PHACTR3: variants seen among roughly 807,000 people sequenced by gnomAD.
PHACTR3 encodes phosphatase and actin regulator 3.
Under a neutral mutation model 66.8 loss-of-function variants are expected in PHACTR3, and 16 were observed. The observed-to-expected ratio is 0.24, with a 90% CI of 0.16 to 0.36. The LOEUF (loss-of-function observed/expected upper bound fraction) is 0.36. PHACTR3 is among the 10% of genes least tolerant of loss of function. The pLI, the probability that PHACTR3 is intolerant of heterozygous loss-of-function variation, is 1.00. For synonymous variants in PHACTR3, 323 were observed against 292.1 expected, an observed-to-expected ratio of 1.11 and a Z score of -1.08; for missense variants, 647 against 719.9, an observed-to-expected ratio of 0.90 and a Z score of 1.16.
At chr20:59,669,426 G>C (rs1453274126) in intron 1 of PHACTR3, among the ~76,000 whole-genome samples, 1 of 152,218 alleles carries the variant, frequency 6.6e-6, no homozygotes, top group African/African-American at 2.4e-5. Flanking sequence ...CCATGGCCAA[G>C]CTGCCTTGAA....
chr20:59,646,657 G>A (rs2035290215), intron 1 of PHACTR3, among the ~76,000 whole-genome samples: 1 of 152,138 alleles, frequency 6.6e-6, no homozygotes. Context: ...TTCAGGCCCT[G>A]CAACTACCAG....
intron 1 of PHACTR3, among the ~76,000 whole-genome samples, chr20:59,605,607 C>T (rs1219389234): frequency 4.6e-5 from 7 of 152,216 alleles, no homozygotes; most frequent in Non-Finnish European, 7.3e-5. Context: ...GCGCCTGACT[C>T]CAGCGGGGCC....
intron 1 of PHACTR3, among the ~76,000 whole-genome samples, chr20:59,684,715 C>G (rs570548322): frequency 6.6e-6 from 1 of 152,338 alleles, no homozygotes; most frequent in South Asian, 2.1e-4. Context: ...CTTCCCTGGG[C>G]TGGGAGCCCC....
chr20:59,627,479 G>A (rs1184835599), intron 1 of PHACTR3, among the ~76,000 whole-genome samples: 2 of 152,218 alleles, frequency 1.3e-5, no homozygotes, highest in African/African-American at 2.4e-5. Context: ...GGATGGAGAG[G>A]TTCTGGCGGC....
At chr20:59,751,488 A>G (rs1601262595) in intron 3 of PHACTR3, among the ~76,000 whole-genome samples, 2 of 152,214 alleles carry the variant, frequency 1.3e-5, no homozygotes, top group Middle Eastern at 6.8e-3. Flanking sequence ...ACACATGTAC[A>G]TACACATTGG....
At chr20:59,681,751 C>T (rs1207138685) in intron 1 of PHACTR3, among the ~76,000 whole-genome samples, 1 of 152,254 alleles carries the variant, frequency 6.6e-6, no homozygotes, top group Non-Finnish European at 1.5e-5. Flanking sequence ...CGGCTCACCC[C>T]TGTAATCTCA....
At chr20:59,758,544 GTCA>G (rs1232873280) in intron 4 of PHACTR3, among the ~76,000 whole-genome samples, 12 of 152,206 alleles carry the variant, frequency 7.9e-5, no homozygotes, top group Admixed American at 5.9e-4. Flanking sequence ...AGTGACATTT[GTCA>G]TCATGCTGGG....
intron 7 of PHACTR3, among the ~76,000 whole-genome samples, chr20:59,780,852 CAAGA>C (rs1284922171): frequency 9.2e-5 from 14 of 152,184 alleles, no homozygotes. Flanking sequence ...ATGGGGGTGA[CAAGA>C]AAGTTCTTAT....
At chr20:59,622,930 G>A (rs1246629343) in intron 1 of PHACTR3, among the ~76,000 whole-genome samples, 4 of 126,832 alleles carry the variant, frequency 3.2e-5, no homozygotes, top group South Asian at 5.4e-4. Context: ...ATTGTGAAAT[G>A]TATTTCAAGG....
intron 3 of PHACTR3, among the ~76,000 whole-genome samples, chr20:59,752,406 C>T (rs541282268): frequency 3.3e-5 from 5 of 152,328 alleles, no homozygotes; most frequent in East Asian, 3.9e-4. Context: ...GGCCTTCCAG[C>T]GAGAGGAGCA....
At chr20:59,638,711 T>TG (rs1361376307) in intron 1 of PHACTR3, among the ~76,000 whole-genome samples, 1 of 127,486 alleles carries the variant, frequency 7.8e-6, no homozygotes, top group African/African-American at 3.0e-5. Flanking sequence ...GAGGGATGGG[T>TG]GGGTGGATGG....
intron 9 of PHACTR3, among the ~76,000 whole-genome samples, chr20:59,837,154 C>T (rs1288677142): frequency 6.6e-6 from 1 of 152,146 alleles, no homozygotes; most frequent in African/African-American, 2.4e-5. Flanking sequence ...ATTAAATATT[C>T]CATAAAGTCA....
At chr20:59,805,444 G>A (rs999684663) in intron 7 of PHACTR3, among the ~76,000 whole-genome samples, 12 of 152,210 alleles carry the variant, frequency 7.9e-5, no homozygotes, top group African/African-American at 2.9e-4. Context: ...GATATCAGTT[G>A]GTTGGGGGGA....
chr20:59,764,383 C>T lies in PHACTR3; in HGVS notation c.542-2803C>T, dbSNP rs975520089. ...GCAGACCCTTGGAGCCTGGTTCAGA[C>T]GCTGGCCACATTGTCCTGGAGGAGA... is the stretch of plus-strand genomic sequence containing the variant. On this transcript the variant is annotated intron_variant, in intron 4 of 12. Coordinates refer to ENST00000371015, the MANE Select transcript of PHACTR3 (RefSeq NM_080672.5). 7.9e-5 allele frequency among the ~76,000 whole-genome samples: 12 copies of T among 152,264 alleles called. 1 individual carries two copies. Among genetic ancestry groups the T allele is most frequent in the South Asian group, 2.1e-4 (1 of 4,824 alleles).
intron 1 of PHACTR3, among the ~76,000 whole-genome samples, chr20:59,679,789 G>A (rs6027038): frequency 0.28 from 42,054 of 151,962 alleles, 6,029 homozygotes; most frequent in East Asian, 0.41. Context: ...TTATAAAACC[G>A]TCAGATCTCA....
At chr20:59,701,859 C>T (rs1365816658) in intron 1 of PHACTR3, among the ~76,000 whole-genome samples, 1 of 152,224 alleles carries the variant, frequency 6.6e-6, no homozygotes, top group Non-Finnish European at 1.5e-5. Flanking sequence ...CCCCCCAATC[C>T]CCTGTCCTCT....
chr20:59,742,780 G>A (rs923269650), intron 1 of PHACTR3, among the ~76,000 whole-genome samples: 1 of 152,188 alleles, frequency 6.6e-6, no homozygotes, highest in Non-Finnish European at 1.5e-5. Flanking sequence ...TGGGTGGAGG[G>A]CAGAGCACGA....
intron 7 of PHACTR3, among the ~76,000 whole-genome samples, chr20:59,803,635 C>T (rs567732565): frequency 1.7e-4 from 26 of 152,198 alleles, no homozygotes; most frequent in African/African-American, 5.1e-4. Context: ...TTTGTCATTC[C>T]GTAACATATA....
intron 4 of PHACTR3, among the ~76,000 whole-genome samples, chr20:59,761,499 T>C (rs2039993313): frequency 6.6e-6 from 1 of 152,156 alleles, no homozygotes; most frequent in South Asian, 2.1e-4. Context: ...CTCCAGAATG[T>C]CTTCAGTGGG....
Sources: allele counts gnomAD v4.1 joint callset (sites outside exome capture counted in the v4.1 genomes callset), GRCh38; gene constraint gnomAD v4.1.1; transcripts MANE v1.5; gene names NCBI Gene and HGNC (gene_info 2026-07-23, HGNC 2026-07-21).